Variants in SPOCK3 observed in about 807,000 individuals in gnomAD.
The protein encoded by SPOCK3 is testican-3.
A neutral mutation model predicts 56.6 loss-of-function variants in SPOCK3; 30 were observed. The ratio of observed to expected loss-of-function variants is 0.53; its 90% confidence interval spans 0.40 to 0.72. The LOEUF is 0.72. Ranked by LOEUF, SPOCK3 falls within the 30% of genes least tolerant of loss-of-function variation. The pLI, the probability that SPOCK3 is intolerant of heterozygous loss-of-function variation, is 0.00. For synonymous variants in SPOCK3, 196 were observed against 183.3 expected (o/e 1.07, Z -0.56); for missense variants, 527 against 530.0 (o/e 0.99, Z 0.06).
intron 6 of SPOCK3, among the ~76,000 whole-genome samples, chr4:166,840,770 A>T (rs1385330235): frequency 1.2e-5 from 1 of 81,310 alleles, no homozygotes; most frequent in Admixed American, 1.2e-4. Flanking sequence ...CAGAAGCAAA[A>T]GTTTTTTTTT....
At chr4:166,804,772 T>A (rs755585271) in intron 6 of SPOCK3, among the ~76,000 whole-genome samples, 1 of 152,108 alleles carries the variant, frequency 6.6e-6, no homozygotes, top group Non-Finnish European at 1.5e-5. Context: ...TGATGCTATG[T>A]CTAGAAACAA....
At chr4:167,131,651 T>C (rs954556458) in intron 2 of SPOCK3, among the ~76,000 whole-genome samples, 1 of 152,080 alleles carries the variant, frequency 6.6e-6, no homozygotes, top group Non-Finnish European at 1.5e-5. Context: ...CCTGGGAGTA[T>C]ACAGATAACA....
chr4:166,979,761 A>G (rs1227525166), intron 4 of SPOCK3, among the ~76,000 whole-genome samples: 1 of 152,040 alleles, frequency 6.6e-6, no homozygotes, highest in Non-Finnish European at 1.5e-5. Context: ...CTCTCCTTAA[A>G]TGTTCTCATC....
intron 4 of SPOCK3, among the ~76,000 whole-genome samples, chr4:166,965,858 C>G (rs1326313337): frequency 6.6e-6 from 1 of 152,070 alleles, no homozygotes; most frequent in Non-Finnish European, 1.5e-5. Flanking sequence ...TATAATCACA[C>G]AAAATCTATT....
chr4:167,128,464 A>G (rs1762462474), intron 2 of SPOCK3, among the ~76,000 whole-genome samples: 1 of 152,142 alleles, frequency 6.6e-6, no homozygotes, highest in Non-Finnish European at 1.5e-5. Flanking sequence ...TCTTCTTCTC[A>G]ATATTTATCT....
chr4:166,999,050 A>T (rs1200279838), intron 4 of SPOCK3, among the ~76,000 whole-genome samples: 1 of 152,188 alleles, frequency 6.6e-6, no homozygotes, highest in Non-Finnish European at 1.5e-5. Flanking sequence ...TATGTTACTG[A>T]TAACTGCTTC....
chr4:166,904,821 A>C (rs770458115), intron 5 of SPOCK3, among the ~76,000 whole-genome samples: 4 of 151,986 alleles, frequency 2.6e-5, no homozygotes, highest in Non-Finnish European at 5.9e-5. Context: ...GTTTCTTTAT[A>C]TCTCTCCCAT....
chr4:166,897,678 G>A lies in SPOCK3; in HGVS notation c.475-8434C>T, dbSNP rs552333966. Among the ~76,000 whole-genome samples the A allele has an allele frequency of 1.1e-4, 16 of 152,242 alleles. No individual in the cohort carries two copies. In the South Asian group the frequency reaches 3.1e-3, roughly 30 times the overall value. On this transcript the variant is annotated intron_variant, in intron 5 of 10. Coordinates refer to ENST00000357545, the MANE Select transcript of SPOCK3 (RefSeq NM_001040159.2). ...TATCATGTCTTCTGCCAACCTCCAA[G>A]AAATTGCAGCATCTTGCAAATGGGA...
intron 3 of SPOCK3, among the ~76,000 whole-genome samples, chr4:167,050,056 C>T (rs778444501): frequency 2.0e-5 from 3 of 152,134 alleles, no homozygotes; most frequent in Non-Finnish European, 4.4e-5. Flanking sequence ...CTATAAAATA[C>T]TTGACATATA....
rs75240451 is a variant in SPOCK3, at chr4:166,917,964, C to A, written c.351-5221G>T. Among the ~76,000 whole-genome samples, 173 of 152,228 alleles carry A rather than the reference C, an allele frequency of 1.1e-3. 3 individuals are homozygous for A. In the East Asian group the frequency reaches 0.03, roughly 26 times the overall value. On this transcript the variant is annotated intron_variant, in intron 4 of 10. Coordinates refer to ENST00000357545, the MANE Select transcript of SPOCK3 (RefSeq NM_001040159.2). ...AGAGATATTCTGTGGAATATCTCAA[C>A]TGATGGTGACTTAATATATTTCTTC...
chr4:166,799,290 T>A (rs1215889830), intron 6 of SPOCK3, among the ~76,000 whole-genome samples: 2 of 152,218 alleles, frequency 1.3e-5, no homozygotes, highest in East Asian at 3.9e-4. Flanking sequence ...TTGATAATGC[T>A]CCTGCACAGC....
At chr4:167,071,658 T>C (rs1048454604) in intron 2 of SPOCK3, among the ~76,000 whole-genome samples, 1 of 145,512 alleles carries the variant, frequency 6.9e-6, no homozygotes, top group Non-Finnish European at 1.5e-5. Flanking sequence ...GTCTTTGATA[T>C]TGTGAATAGT....
chr4:166,991,913 T>C (rs1747827709), intron 4 of SPOCK3, among the ~76,000 whole-genome samples: 1 of 152,140 alleles, frequency 6.6e-6, no homozygotes, highest in South Asian at 2.1e-4. Flanking sequence ...CACACGTGTA[T>C]ATAAAGATAC....
chr4:167,112,973 T>G (rs1761030058), intron 2 of SPOCK3, among the ~76,000 whole-genome samples: 1 of 152,142 alleles, frequency 6.6e-6, no homozygotes, highest in Admixed American at 6.6e-5. Context: ...CTAGATTTCC[T>G]CCCCTATCAT....
chr4:167,023,074 T>G (rs1333082087), intron 3 of SPOCK3, among the ~76,000 whole-genome samples: 1 of 152,040 alleles, frequency 6.6e-6, no homozygotes, highest in Non-Finnish European at 1.5e-5. Flanking sequence ...ACAGGAATTT[T>G]TTTTTTGGCT....
intron 7 of SPOCK3, among the ~76,000 whole-genome samples, chr4:166,789,090 T>C (rs1056634789): frequency 2.0e-5 from 3 of 152,090 alleles, no homozygotes; most frequent in Non-Finnish European, 4.4e-5. Context: ...TATCAGAATA[T>C]TTTTCTCTGC....
chr4:167,111,028 C>T (rs921772154), intron 2 of SPOCK3, among the ~76,000 whole-genome samples: 2 of 151,706 alleles, frequency 1.3e-5, no homozygotes, highest in Admixed American at 1.3e-4. Flanking sequence ...TGGACACTTA[C>T]AGGGCCAAAA....
chr4:167,119,724 T>G (rs767005300), intron 2 of SPOCK3: 6 of 1,088,868 alleles, frequency 5.5e-6, no homozygotes, highest in Non-Finnish European at 8.0e-6. Context: ...GAGAACGTTA[T>G]GTCTATAACA....
At chr4:166,907,191 T>C (rs1047831947) in intron 5 of SPOCK3, among the ~76,000 whole-genome samples, 3 of 152,196 alleles carry the variant, frequency 2.0e-5, no homozygotes, top group African/African-American at 7.2e-5. Flanking sequence ...CAGGCACCTG[T>C]GTCTCTAACT....
Sources: gnomAD v4.1 joint callset for allele counts (sites outside exome capture counted in the v4.1 genomes callset) on GRCh38, gnomAD v4.1.1 for gene constraint, MANE v1.5 for transcripts, NCBI Gene and HGNC (gene_info 2026-07-23, HGNC 2026-07-21) for gene names.